The following VWA8 variants were observed in gnomAD, a reference collection of about 807,000 sequenced individuals.
VWA8 encodes the protein von Willebrand factor A domain-containing protein 8.
VWA8 carries 221 observed loss-of-function variants against 241.5 expected under a neutral mutation model. The observed-to-expected ratio is 0.91, with a 90% CI of 0.82 to 1.02. The LOEUF (loss-of-function observed/expected upper bound fraction) is 1.02. Ranked by LOEUF, VWA8 falls within the 50% of genes least tolerant of loss-of-function variation. The pLI is 0.00. For missense variants in VWA8, 2,322 were observed against 2,328.7 expected (o/e 1.00, Z 0.06); for synonymous variants, 852 against 827.1 (o/e 1.03, Z -0.52).
At chr13:41,936,454 T>C (rs960965986) in intron 2 of VWA8, among the ~76,000 whole-genome samples, 6 of 152,210 alleles carry the variant, frequency 3.9e-5, no homozygotes, top group African/African-American at 1.4e-4. Flanking sequence ...TTGTGTTATA[T>C]AGGCATTAAA....
intron 37 of VWA8, among the ~76,000 whole-genome samples, chr13:41,668,495 G>A (rs542885914): frequency 4.8e-4 from 73 of 152,270 alleles, no homozygotes; most frequent in African/African-American, 1.8e-3. Flanking sequence ...GCAGATCTGT[G>A]CTGAATAAAG....
chr13:41,926,435 CT>C, intron 2 of VWA8: 1 of 525,290 alleles, frequency 1.9e-6, no homozygotes, highest in Non-Finnish European at 3.7e-6. Context: ...TGTGGCCAAG[CT>C]TTTCATCACT....
intron 2 of VWA8, among the ~76,000 whole-genome samples, chr13:41,919,150 C>T (rs1043095740): frequency 6.6e-6 from 1 of 152,136 alleles, no homozygotes; most frequent in East Asian, 1.9e-4. Flanking sequence ...TCCTGTAGAG[C>T]ACAGAAACCC....
intron 4 of VWA8, among the ~76,000 whole-genome samples, chr13:41,896,499 T>A (rs1041249324): frequency 2.6e-5 from 4 of 152,044 alleles, no homozygotes; most frequent in Admixed American, 6.5e-5. Context: ...AATTGGTCTA[T>A]ACAGCAAAAA....
intron 21 of VWA8, among the ~76,000 whole-genome samples, chr13:41,732,485 A>AATAT (rs367672506): frequency 8.7e-5 from 13 of 148,806 alleles, no homozygotes; most frequent in Non-Finnish European, 4.5e-5. Flanking sequence ...GAAACTAAAA[A>AATAT]ATATATATAT....
At position 41,707,378 on chromosome 13, in the gene VWA8, G is replaced by A. The variant is rs367894052; in HGVS notation, c.3117-3967C>T. The stretch of plus-strand genomic sequence containing the variant: ...TGCAAAAGATTTGGATCTTTCTAGG[G>A]GCATTATGCAATTGGAAGTTGTTGA... On this transcript the variant is annotated intron_variant, in intron 26 of 44. Transcript: ENST00000379310. 5.3e-5 allele frequency among the ~76,000 whole-genome samples: 8 copies of A among 152,186 alleles called. No homozygotes were observed. In the East Asian group the frequency reaches 1.4e-3, roughly 26 times the overall value.
chr13:41,719,408 A>G (rs567927053), intron 26 of VWA8, 183 bp downstream of exon 26: 1,372 of 1,420,814 alleles, frequency 9.7e-4, no homozygotes, highest in Non-Finnish European at 1.2e-3. Context: ...AAAATTTTCA[A>G]TTTACAGGCC....
chr13:41,672,726 T>C (rs1318835989), intron 36 of VWA8, among the ~76,000 whole-genome samples: 1 of 152,244 alleles, frequency 6.6e-6, no homozygotes, highest in Admixed American at 6.5e-5. Context: ...CCATATGTTC[T>C]GAGCTACTTT....
Position 41,568,082 on chromosome 13 carries a change from G to GAATC in VWA8, c.*111_*114dup. On this transcript the variant is annotated 3_prime_UTR_variant, in exon 45 of 45. Coordinates refer to ENST00000379310, the MANE Select transcript of VWA8 (RefSeq NM_015058.2). Reference sequence around the variant, plus strand: ...AGTGTAGGAAGACCCAGGAATGCCGGAATCATCCAGTCACTGCATGGGTTC... The same window carrying GAATC: ...AGTGTAGGAAGACCCAGGAATGCCGGAATCAATCATCCAGTCACTGCATGGGTTC... The GAATC allele has an allele frequency of 1.2e-6, 1 of 847,500 alleles. No homozygotes were observed. The highest frequency in any genetic ancestry group is 2.5e-5 in the East Asian group (1 of 40,146). 52.5% of individuals were successfully genotyped at this position (847,500 alleles called of 1,614,324 possible).
chr13:41,750,187 C>A (rs1306667209), intron 21 of VWA8, among the ~76,000 whole-genome samples: 2 of 151,982 alleles, frequency 1.3e-5, no homozygotes, highest in East Asian at 1.9e-4. Flanking sequence ...ATAATCCCAG[C>A]ACTTTGGGAG....
chr13:41,752,871 G>A (rs1249580707), intron 21 of VWA8, among the ~76,000 whole-genome samples: 1 of 152,114 alleles, frequency 6.6e-6, no homozygotes, highest in Non-Finnish European at 1.5e-5. Flanking sequence ...GCTCAGAAAG[G>A]TTAGTGAAGA....
intron 43 of VWA8, among the ~76,000 whole-genome samples, chr13:41,573,557 TAC>T (rs933846052): frequency 2.1e-5 from 3 of 144,354 alleles, no homozygotes; most frequent in African/African-American, 2.6e-5. Flanking sequence ...ATAAAATATA[TAC>T]ACGTATATAT....
At chr13:41,832,165 G>A (rs1329818608) in intron 13 of VWA8, among the ~76,000 whole-genome samples, 1 of 152,014 alleles carries the variant, frequency 6.6e-6, no homozygotes, top group Non-Finnish European at 1.5e-5. Context: ...TCTTGACCTC[G>A]TGATCTGCCC....
chr13:41,668,855 T>C (rs914605838), intron 37 of VWA8, among the ~76,000 whole-genome samples: 7 of 152,168 alleles, frequency 4.6e-5, no homozygotes, highest in Admixed American at 4.6e-4. Flanking sequence ...AACTTAGGGA[T>C]CAAAGGAGAA....
At chr13:41,744,957 C>T (rs1431253181) in intron 21 of VWA8, among the ~76,000 whole-genome samples, 1 of 152,092 alleles carries the variant, frequency 6.6e-6, no homozygotes, top group East Asian at 1.9e-4. Context: ...CCTGCCTCAG[C>T]CTCCCGAGTA....
intron 36 of VWA8, among the ~76,000 whole-genome samples, chr13:41,674,848 G>C (rs1242756898): frequency 6.6e-6 from 1 of 152,068 alleles, no homozygotes; most frequent in African/African-American, 2.4e-5. Flanking sequence ...AAATTGTTTT[G>C]ATATTTTGAA....
intron 2 of VWA8, among the ~76,000 whole-genome samples, chr13:41,922,487 G>A (rs1876594173): frequency 6.6e-6 from 1 of 152,162 alleles, no homozygotes; most frequent in African/African-American, 2.4e-5. Flanking sequence ...TACCATCAGA[G>A]TGAACAGGCA....
chr13:41,632,378 C>A (rs918024670), intron 37 of VWA8, among the ~76,000 whole-genome samples: 164 of 152,210 alleles, frequency 1.1e-3, no homozygotes, highest in African/African-American at 3.7e-3. Context: ...GGTAGGTAGA[C>A]AAGCCATTAT....
At chr13:41,715,047 T>A (rs926430368) in intron 26 of VWA8, among the ~76,000 whole-genome samples, 2 of 151,906 alleles carry the variant, frequency 1.3e-5, no homozygotes, top group African/African-American at 4.8e-5. Flanking sequence ...GTACCCCTGC[T>A]TTCTAACCTC....
Sources: gnomAD v4.1 joint callset for allele counts (sites outside exome capture counted in the v4.1 genomes callset) on GRCh38, gnomAD v4.1.1 for gene constraint, MANE v1.5 for transcripts, NCBI Gene and HGNC (gene_info 2026-07-23, HGNC 2026-07-21) for gene names.